SYT16: variants seen among roughly 807,000 people sequenced by gnomAD.
The protein encoded by SYT16 is synaptotagmin-16.
A neutral mutation model predicts 61.4 loss-of-function variants in SYT16; 42 were observed. The observed-to-expected ratio is 0.68, with a 90% CI of 0.53 to 0.89. The LOEUF (loss-of-function observed/expected upper bound fraction) is 0.89, where lower values mean the gene tolerates loss of function less well. Ranked by LOEUF, SYT16 falls within the 40% of genes least tolerant of loss-of-function variation. The pLI is 0.00. For synonymous variants in SYT16, 314 were observed against 302.3 expected (o/e 1.04, Z -0.40); for missense variants, 804 against 807.3 (o/e 1.00, Z 0.05).
chr14:61,822,698 G>A (rs935392227), intron 1 of SYT16, among the ~76,000 whole-genome samples: 3 of 152,214 alleles, frequency 2.0e-5, no homozygotes, highest in African/African-American at 7.2e-5. Flanking sequence ...TGAAGAAGCA[G>A]AAGGCAGTAT....
chr14:61,943,718 T>A (rs1030118180), intron 1 of SYT16, among the ~76,000 whole-genome samples: 7 of 152,158 alleles, frequency 4.6e-5, no homozygotes, highest in Non-Finnish European at 1.0e-4. Flanking sequence ...AATTAGGCAT[T>A]GATGGAATGA....
chr14:62,022,261 G>A (rs2053938970), intron 3 of SYT16, among the ~76,000 whole-genome samples: 2 of 151,974 alleles, frequency 1.3e-5, no homozygotes, highest in African/African-American at 4.8e-5. Context: ...GCATATATGT[G>A]TTTGAAATGT....
chr14:61,908,900 G>A (rs2048822980), intron 1 of SYT16, among the ~76,000 whole-genome samples: 1 of 152,048 alleles, frequency 6.6e-6, no homozygotes, highest in Non-Finnish European at 1.5e-5. Context: ...ATGGTTCACT[G>A]CAGCCTTGAA....
intron 3 of SYT16, among the ~76,000 whole-genome samples, chr14:62,054,360 GT>G (rs11347339): frequency 0.34 from 40,195 of 117,952 alleles, 8,125 homozygotes; most frequent in African/African-American, 0.68. Context: ...AGTGAAGTGA[GT>G]TTTTTTTTTT....
chr14:61,996,372 C>G lies in SYT16; in HGVS notation c.353C>G (p.Ser118Cys). ...AGCCAACATGCAAAGGACTCATGTT[C>G]CACAATGTCCCAGTGGCCCAATTGG... ...SLSQHAKDSC[S>C]TMSQWPNWAS... The change falls in exon 3 of 8, where the codon TCC becomes TGC. Residue 118 changes from serine to cysteine, a missense_variant. By Grantham distance (112) the Ser-to-Cys change is moderately radical. Coordinates refer to ENST00000683842, the MANE Select transcript of SYT16 (RefSeq NM_001367656.1). 1 of 1,613,546 alleles carries G rather than the reference C, an allele frequency of 6.2e-7. No individual in the cohort carries two copies. Among genetic ancestry groups the G allele is most frequent in the Non-Finnish European group, 8.5e-7 (1 of 1,179,616 alleles).
At chr14:61,845,225 TTTTAGTAGAGA>T (rs2046410511) in intron 1 of SYT16, among the ~76,000 whole-genome samples, 1 of 151,996 alleles carries the variant, frequency 6.6e-6, no homozygotes, top group Admixed American at 6.6e-5. Flanking sequence ...TTTTTTGTAT[TTTTAGTAGAGA>T]CGGGGCTTCA....
chr14:62,076,185 G>A (rs537095515), intron 5 of SYT16, among the ~76,000 whole-genome samples: 5 of 152,120 alleles, frequency 3.3e-5, no homozygotes, highest in South Asian at 2.1e-4. Context: ...TGGCCCTTAC[G>A]GTTATTTTTC....
chr14:61,850,405 G>T (rs1274853260), intron 1 of SYT16, among the ~76,000 whole-genome samples: 4 of 152,070 alleles, frequency 2.6e-5, no homozygotes, highest in Non-Finnish European at 5.9e-5. Flanking sequence ...AGAGTGCTGG[G>T]ATTACAGGCA....
chr14:62,051,164 G>A (rs973476075), intron 3 of SYT16, among the ~76,000 whole-genome samples: 14 of 152,232 alleles, frequency 9.2e-5, no homozygotes, highest in Non-Finnish European at 1.2e-4. Context: ...TCAAGCCTGG[G>A]CAATGGCAGG....
chr14:61,986,151 C>G (rs2052299171), intron 2 of SYT16, among the ~76,000 whole-genome samples: 1 of 151,636 alleles, frequency 6.6e-6, no homozygotes, highest in Non-Finnish European at 1.5e-5. Context: ...CTCCTAATCT[C>G]TTAATGAAAA....
intron 1 of SYT16, among the ~76,000 whole-genome samples, chr14:61,852,190 C>T (rs771066823): frequency 1.3e-5 from 2 of 151,188 alleles, no homozygotes; most frequent in East Asian, 1.9e-4. Context: ...TTCCCCATTG[C>T]TTTTTTTTTG....
chr14:61,855,465 G>T (rs554520725), intron 1 of SYT16, among the ~76,000 whole-genome samples: 2 of 152,294 alleles, frequency 1.3e-5, no homozygotes, highest in South Asian at 4.1e-4. Context: ...TACTGGCCTA[G>T]AGTTGGGCAA....
intron 1 of SYT16, among the ~76,000 whole-genome samples, chr14:61,834,786 C>T (rs938755225): frequency 6.6e-6 from 1 of 152,100 alleles, no homozygotes; most frequent in East Asian, 1.9e-4. Flanking sequence ...TCCAGTTGTA[C>T]TGGTATATAA....
chr14:62,005,809 C>T (rs1452348891), intron 3 of SYT16, among the ~76,000 whole-genome samples: 2 of 152,088 alleles, frequency 1.3e-5, no homozygotes, highest in East Asian at 1.9e-4. Context: ...AGCCACAGGC[C>T]TCTCCTTCAG....
chr14:62,078,155 C>CTCTCTCTATATATATATA (rs766089633), intron 5 of SYT16, among the ~76,000 whole-genome samples: 12 of 136,006 alleles, frequency 8.8e-5, no homozygotes, highest in African/African-American at 3.4e-4. Flanking sequence ...CTCTCTCTCT[C>CTCTCTCTATATATATATA]TATATATATA....
intron 3 of SYT16, among the ~76,000 whole-genome samples, chr14:62,014,244 T>C (rs2053579160): frequency 1.3e-5 from 2 of 152,208 alleles, no homozygotes; most frequent in African/African-American, 4.8e-5. Context: ...TTTAAAAACA[T>C]AACTAATCAT....
chr14:61,850,188 G>A, intron 1 of SYT16, among the ~76,000 whole-genome samples: 1 of 151,374 alleles, frequency 6.6e-6, no homozygotes, highest in Non-Finnish European at 1.5e-5. Flanking sequence ...AGGCTGGAGT[G>A]CAATGGTGTG....
chr14:61,853,255 T>C (rs2046671429), intron 1 of SYT16, among the ~76,000 whole-genome samples: 1 of 152,254 alleles, frequency 6.6e-6, no homozygotes, highest in African/African-American at 2.4e-5. Flanking sequence ...GACAGAGCTT[T>C]AAAGTCAGAA....
intron 1 of SYT16, among the ~76,000 whole-genome samples, chr14:61,880,347 A>G (rs936447081): frequency 6.6e-6 from 1 of 152,232 alleles, no homozygotes; most frequent in Non-Finnish European, 1.5e-5. Context: ...ACCACATCAT[A>G]CTGTCTTAGT....
Sources: gnomAD v4.1 joint callset for allele counts (sites outside exome capture counted in the v4.1 genomes callset) on GRCh38, gnomAD v4.1.1 for gene constraint, MANE v1.5 for transcripts, NCBI Gene and HGNC (gene_info 2026-07-23, HGNC 2026-07-21) for gene names.